Variants in HAO2 observed in about 807,000 individuals in gnomAD.
HAO2 encodes the protein 2-Hydroxyacid oxidase 2.
HAO2 carries 42 observed loss-of-function variants against 37.4 expected under a neutral mutation model. That is an observed-to-expected ratio of 1.12 (90% CI 0.88 to 1.45). The LOEUF is 1.45. HAO2 is among the 40% of genes most tolerant of loss of function. HAO2 has a pLI of 0.00. For synonymous variants in HAO2, 180 were observed against 162.8 expected (o/e 1.11, Z -0.81); for missense variants, 476 against 430.2 (o/e 1.11, Z -0.94).
intron 4 of HAO2, chr1:119,385,821 C>T: frequency 1.0e-6 from 1 of 985,134 alleles, no homozygotes; most frequent in Non-Finnish European, 1.2e-6. Flanking sequence ...CCTTGAGGTG[C>T]TCCAAAATCC....
intron 1 of HAO2, among the ~76,000 whole-genome samples, chr1:119,378,663 T>C (rs1051007318): frequency 6.6e-6 from 1 of 152,234 alleles, no homozygotes; most frequent in Non-Finnish European, 1.5e-5. Context: ...TAACTGACAC[T>C]ATTCTAGACA....
In HAO2 at chr1:119,394,127, G is replaced by A; in HGVS notation, c.*287G>A. On this transcript the variant is annotated 3_prime_UTR_variant, in exon 8 of 8. Transcript: ENST00000325945. ...TCAAAAGGACAGATCATTAATGACT[G>A]GAACCACTAGTGGGTGATATTTTTT... 1.0e-6 allele frequency: 1 copy of A among 952,546 alleles called. No individual in the cohort carries two copies. The highest frequency in any genetic ancestry group is 1.4e-6 in the Non-Finnish European group (1 of 725,350). The allele number at this position is 952,546 out of a possible 1,614,324, so 59.0% of individuals were successfully genotyped here.
intron 6 of HAO2, 108 bp from the exon 7 acceptor site, chr1:119,392,510 C>A (rs75633256): frequency 0.024 from 20,050 of 823,230 alleles, 281 homozygotes; most frequent in Non-Finnish European, 0.032. Flanking sequence ...ACAGATAATC[C>A]CCATCTTTCC....
At chr1:119,392,562 G>A in intron 6 of HAO2, 56 bp from the exon 7 acceptor site, 1 of 1,104,964 alleles carries the variant, frequency 9.1e-7, no homozygotes, top group Non-Finnish European at 1.4e-6. Context: ...ACTAGTGGAT[G>A]GTCAGAATGT....
chr1:119,389,146 A>ATATATATACACGTATATATATATGTGTG (rs1650632892), intron 5 of HAO2, among the ~76,000 whole-genome samples: 1 of 56,094 alleles, frequency 1.8e-5, no homozygotes, highest in African/African-American at 6.4e-5. Flanking sequence ...TCATATATAT[A>ATATATATACACGTATATATATATGTGTG]TATATATATA....
intron 1 of HAO2, chr1:119,380,455 A>C: frequency 2.2e-6 from 1 of 456,646 alleles, no homozygotes; most frequent in African/African-American, 2.0e-5. Flanking sequence ...CCAGCCAAGA[A>C]TTACAAAGTA....
At chr1:119,371,160 G>C (rs6667104) in intron 1 of HAO2, among the ~76,000 whole-genome samples, 69,989 of 152,050 alleles carry the variant, frequency 0.46, 19,751 homozygotes, top group African/African-American at 0.8. Flanking sequence ...CCCCATACCA[G>C]TAACACTCCA....
chr1:119,392,085 C>T (rs796149412), intron 5 of HAO2, 25 bp from the exon 6 acceptor site: 1 of 1,594,934 alleles, frequency 6.3e-7, no homozygotes, highest in Admixed American at 1.7e-5. Context: ...GAAAGCCCTC[C>T]AGCCCATGTG....
chr1:119,380,158 A>G (rs1312119322), intron 1 of HAO2, among the ~76,000 whole-genome samples: 2 of 152,144 alleles, frequency 1.3e-5, no homozygotes, highest in East Asian at 1.9e-4. Context: ...GGAGCTCTAC[A>G]TGCTGTAACT....
intron 1 of HAO2, among the ~76,000 whole-genome samples, chr1:119,373,928 G>T (rs757643367): frequency 6.6e-6 from 1 of 152,158 alleles, no homozygotes; most frequent in Non-Finnish European, 1.5e-5. Context: ...CTGCATCCTT[G>T]ATTCACAATG....
At position 119,381,332 on chromosome 1, in the gene HAO2, T is replaced by C. The variant is rs113705485; in HGVS notation, c.131+116T>C. Reference sequence around the variant, plus strand: ...AAAACACAGATCACTCAAGACCTAATAATGTGGATGATTTTGTTGTTGTTT... The same window carrying C: ...AAAACACAGATCACTCAAGACCTAACAATGTGGATGATTTTGTTGTTGTTT... On this transcript the variant is annotated intron_variant, in intron 2 of 7. Coordinates refer to ENST00000325945, the MANE Select transcript of HAO2 (RefSeq NM_016527.4). 1,493 of 753,812 alleles carry C rather than the reference T, an allele frequency of 2.0e-3. 21 individuals are homozygous for C. In the African/African-American group the frequency reaches 0.023, roughly 12 times the overall value. The allele number at this position is 753,812 out of a possible 1,614,324, so 46.7% of individuals were successfully genotyped here.
intron 1 of HAO2, among the ~76,000 whole-genome samples, chr1:119,371,697 A>C (rs1325540129): frequency 6.6e-6 from 1 of 152,246 alleles, no homozygotes; most frequent in Non-Finnish European, 1.5e-5. Flanking sequence ...TGGGGATGAT[A>C]ATATTTGTGT....
At chr1:119,369,796 C>T (rs140050386) in intron 1 of HAO2, among the ~76,000 whole-genome samples, 2 of 152,070 alleles carry the variant, frequency 1.3e-5, no homozygotes, top group African/African-American at 4.8e-5. Context: ...TACTCTAAAT[C>T]GTATCAGCTA....
intron 5 of HAO2, among the ~76,000 whole-genome samples, chr1:119,388,465 G>A (rs937285210): frequency 1.3e-5 from 2 of 152,176 alleles, no homozygotes; most frequent in African/African-American, 4.8e-5. Flanking sequence ...ATTGGCTAAG[G>A]TAGGGGCCAG....
intron 1 of HAO2, among the ~76,000 whole-genome samples, chr1:119,371,143 A>T (rs749703927): frequency 2.6e-4 from 40 of 152,214 alleles, no homozygotes; most frequent in Non-Finnish European, 5.0e-4. Context: ...AGAGACTTAA[A>T]TGTCTCCCCC....
intron 5 of HAO2, among the ~76,000 whole-genome samples, chr1:119,390,096 G>A (rs780634803): frequency 7.9e-5 from 12 of 152,158 alleles, no homozygotes; most frequent in Non-Finnish European, 1.8e-4. Context: ...TCAGTTGGCT[G>A]TAAGTATTTG....
intron 1 of HAO2, among the ~76,000 whole-genome samples, chr1:119,379,445 G>T (rs1649741391): frequency 6.6e-6 from 1 of 152,146 alleles, no homozygotes; most frequent in Non-Finnish European, 1.5e-5. Flanking sequence ...AAATTCCCAG[G>T]CATCATATAT....
intron 5 of HAO2, 82 bp from the exon 6 acceptor site, chr1:119,392,028 G>C: frequency 7.6e-7 from 1 of 1,313,840 alleles, no homozygotes; most frequent in Non-Finnish European, 1.1e-6. Flanking sequence ...CCTCAGCTTG[G>C]TTTTCCTGGT....
In HAO2 at chr1:119,383,099, C is replaced by T. The variant is rs181272805; in HGVS notation, c.283+33C>T. ...CCATCCCCACCTCGAGGCTCCTTTCCGGGAGGAGGTGTCCCTCAGAGCAGT... is the reference window on the plus strand; with the variant it reads ...CCATCCCCACCTCGAGGCTCCTTTCTGGGAGGAGGTGTCCCTCAGAGCAGT... On this transcript the variant is annotated intron_variant, in intron 3 of 7. Transcript: ENST00000325945. 1.7e-4 allele frequency: 269 copies of T among 1,555,436 alleles called. 2 individuals are homozygous for T. Among genetic ancestry groups the T allele is most frequent in the South Asian group, 3.8e-4 (33 of 86,296 alleles).
Sources: gnomAD v4.1 joint callset for allele counts (sites outside exome capture counted in the v4.1 genomes callset) on GRCh38, gnomAD v4.1.1 for gene constraint, MANE v1.5 for transcripts, NCBI Gene and HGNC (gene_info 2026-07-23, HGNC 2026-07-21) for gene names.